The following NCMAP variants were observed in gnomAD, a reference collection of about 807,000 sequenced individuals.
NCMAP encodes the protein noncompact myelin-associated protein.
NCMAP carries 8 observed loss-of-function variants against 7.8 expected under a neutral mutation model. The ratio of observed to expected loss-of-function variants is 1.02; its 90% confidence interval spans 0.60 to 1.84. NCMAP has a LOEUF of 1.84. Ranked by LOEUF, NCMAP falls within the 40% of genes most tolerant of loss-of-function variation. The pLI is 0.00. For synonymous variants in NCMAP, 41 were observed against 52.9 expected, an observed-to-expected ratio of 0.78 and a Z score of 0.98; for missense variants, 112 against 131.4, an observed-to-expected ratio of 0.85 and a Z score of 0.72.
chr1:24,598,988 T>C (rs911551814), intron 2 of NCMAP, among the ~76,000 whole-genome samples: 1 of 151,546 alleles, frequency 6.6e-6, no homozygotes, highest in Non-Finnish European at 1.5e-5. Context: ...ATCTTGAAGC[T>C]AAAATTGGAG....
chr1:24,586,340 A>G (rs912567303), intron 1 of NCMAP, among the ~76,000 whole-genome samples: 1 of 152,236 alleles, frequency 6.6e-6, no homozygotes, highest in Non-Finnish European at 1.5e-5. Flanking sequence ...GGATCAATGC[A>G]AAGTCCTGAT....
chr1:24,599,834 CCCCCCTT>C (rs60403359), intron 2 of NCMAP, among the ~76,000 whole-genome samples: 4,241 of 69,428 alleles, frequency 0.061, 160 homozygotes, highest in Middle Eastern at 0.25. Flanking sequence ...CCCCCCCCCC[CCCCCCTT>C]GGCCTCCCAA....
In NCMAP at chr1:24,573,952, CAAAAAAA is replaced by C. The variant is rs78594011; in HGVS notation, c.-8+17796_-8+17802del. Reference sequence around the variant, plus strand: ...CACTCTGCTGGGGACCCAGAGAGGACAAAAAAAAAAAAAAAAAAACAGAAAAAAGGGG... The same window carrying C: ...CACTCTGCTGGGGACCCAGAGAGGACAAAAAAAAAAAACAGAAAAAAGGGG... On this transcript the variant is annotated intron_variant, in intron 1 of 3. Coordinates refer to ENST00000374392, the MANE Select transcript of NCMAP (RefSeq NM_001010980.5). Among the ~76,000 whole-genome samples, 5 of 84,454 alleles carry C rather than the reference CAAAAAAA, an allele frequency of 5.9e-5. 1 individual carries two copies. The highest frequency in any genetic ancestry group is 1.3e-4 in the Admixed American group (1 of 7,782). 55.4% of individuals were successfully genotyped at this position (84,454 alleles called of 152,430 possible).
intron 1 of NCMAP, among the ~76,000 whole-genome samples, chr1:24,591,428 C>A (rs1466908349): frequency 6.6e-6 from 1 of 152,150 alleles, no homozygotes; most frequent in African/African-American, 2.4e-5. Context: ...CCACCACAAG[C>A]GGCTAGTTTT....
chr1:24,608,671 C>T lies in NCMAP; in HGVS notation c.*2924C>T, dbSNP rs1652836581. On this transcript the variant is annotated 3_prime_UTR_variant, in exon 4 of 4. Transcript: ENST00000374392. ...CAGCCCTTTGGGAGTCAGAGGCAGT[C>T]AGTCACTTGAGCCCAGGAGTTCAAG... The T allele has an allele frequency of 6.6e-6, 1 of 152,552 alleles. No individual in the cohort carries two copies. The highest frequency in any genetic ancestry group is 1.5e-5 in the Non-Finnish European group (1 of 68,356). The allele number at this position is 152,552 out of a possible 1,614,324, so 9.4% of individuals were successfully genotyped here.
chr1:24,556,477 A>G (rs1450176690), intron 1 of NCMAP, among the ~76,000 whole-genome samples: 1 of 152,178 alleles, frequency 6.6e-6, no homozygotes. Context: ...GCTCGCTGGA[A>G]GAAAAGGGAG....
chr1:24,566,716 T>TA (rs1651238064), intron 1 of NCMAP, among the ~76,000 whole-genome samples: 1 of 152,160 alleles, frequency 6.6e-6, no homozygotes, highest in African/African-American at 2.4e-5. Flanking sequence ...GCTGGAGGCT[T>TA]CTATTCCTTC....
chr1:24,589,794 G>A (rs1038733362), intron 1 of NCMAP, among the ~76,000 whole-genome samples: 3 of 152,202 alleles, frequency 2.0e-5, no homozygotes, highest in African/African-American at 7.2e-5. Flanking sequence ...TTGGGGCTAC[G>A]TAAGTGTGGA....
intron 1 of NCMAP, among the ~76,000 whole-genome samples, chr1:24,566,346 A>G (rs1278537179): frequency 1.3e-5 from 2 of 152,154 alleles, no homozygotes; most frequent in African/African-American, 2.4e-5. Context: ...GAGTGGAGAA[A>G]TGGACTCTGC....
chr1:24,597,453 G>A (rs920732386), intron 2 of NCMAP, among the ~76,000 whole-genome samples: 15 of 131,502 alleles, frequency 1.1e-4, no homozygotes, highest in Admixed American at 1.7e-4. Flanking sequence ...GCAGTGAGCC[G>A]AGATCACACC....
intron 1 of NCMAP, among the ~76,000 whole-genome samples, chr1:24,560,185 AT>A (rs1385839534): frequency 1.4e-5 from 2 of 142,332 alleles, no homozygotes; most frequent in Admixed American, 6.9e-5. Context: ...AAAAAAAAAA[AT>A]TTGTTTCCCT....
At chr1:24,591,009 A>C (rs1014442845) in intron 1 of NCMAP, among the ~76,000 whole-genome samples, 2 of 152,172 alleles carry the variant, frequency 1.3e-5, no homozygotes, top group African/African-American at 4.8e-5. Context: ...AAATTCAGTT[A>C]CTCATTCCAG....
intron 3 of NCMAP, among the ~76,000 whole-genome samples, chr1:24,603,334 T>C (rs1416217245): frequency 6.7e-6 from 1 of 150,242 alleles, no homozygotes; most frequent in Non-Finnish European, 1.5e-5. Flanking sequence ...CTCCCACAAT[T>C]ACATGTAATA....
At chr1:24,566,450 G>A (rs894735817) in intron 1 of NCMAP, among the ~76,000 whole-genome samples, 7 of 152,192 alleles carry the variant, frequency 4.6e-5, no homozygotes, top group Non-Finnish European at 1.0e-4. Context: ...AATTTGCATA[G>A]CTGGGAAGCA....
chr1:24,593,016 C>T (rs1652094883), intron 1 of NCMAP, among the ~76,000 whole-genome samples: 1 of 151,690 alleles, frequency 6.6e-6, no homozygotes, highest in African/African-American at 2.4e-5. Flanking sequence ...CCCCATACTA[C>T]TAAAAATACA....
chr1:24,597,617 G>C (rs866577044), intron 2 of NCMAP, among the ~76,000 whole-genome samples: 12 of 87,526 alleles, frequency 1.4e-4, no homozygotes, highest in East Asian at 3.5e-4. Context: ...AAGAAAGAAA[G>C]AGAAAGAAAG....
chr1:24,582,559 C>T (rs972225249), intron 1 of NCMAP, among the ~76,000 whole-genome samples: 19 of 151,984 alleles, frequency 1.3e-4, no homozygotes, highest in Admixed American at 2.0e-4. Context: ...CGAGGTAAGA[C>T]GATGCTACGC....
intron 2 of NCMAP, among the ~76,000 whole-genome samples, chr1:24,599,956 G>C (rs4648867): frequency 0.27 from 41,414 of 150,924 alleles, 6,318 homozygotes; most frequent in Middle Eastern, 0.45. Context: ...GACAGATATT[G>C]AAACATATAA....
intron 1 of NCMAP, among the ~76,000 whole-genome samples, chr1:24,587,446 A>G (rs1401111560): frequency 6.6e-6 from 1 of 152,174 alleles, no homozygotes; most frequent in Non-Finnish European, 1.5e-5. Context: ...AGCTACCCCA[A>G]CTGCTCTGTT....
Sources: gnomAD v4.1 joint callset for allele counts (sites outside exome capture counted in the v4.1 genomes callset) on GRCh38, gnomAD v4.1.1 for gene constraint, MANE v1.5 for transcripts, NCBI Gene and HGNC (gene_info 2026-07-23, HGNC 2026-07-21) for gene names.